CDH4: variants seen among roughly 807,000 people sequenced by gnomAD.
The protein encoded by CDH4 is cadherin-4.
In CDH4, 33 loss-of-function variants were observed where a neutral mutation model predicts 86.0. The ratio of observed to expected loss-of-function variants is 0.38; its 90% CI spans 0.29 to 0.51. The LOEUF is 0.51. CDH4 is among the 20% of genes least tolerant of loss of function. The pLI, the probability that CDH4 is intolerant of heterozygous loss-of-function variation, is 0.86. For synonymous variants in CDH4, 555 were observed against 549.4 expected (o/e 1.01, Z -0.14); for missense variants, 1,114 against 1,307.4 (o/e 0.85, Z 2.28).
intron 2 of CDH4, among the ~76,000 whole-genome samples, chr20:61,276,590 A>G (rs1487230425): frequency 6.6e-6 from 1 of 152,190 alleles, no homozygotes; most frequent in African/African-American, 2.4e-5. Context: ...TGGCATCCCT[A>G]TGCCATTCTT....
chr20:61,265,454 T>C (rs1478731253), intron 2 of CDH4, among the ~76,000 whole-genome samples: 1 of 149,414 alleles, frequency 6.7e-6, no homozygotes, highest in Non-Finnish European at 1.5e-5. Flanking sequence ...ACTTCAGTGG[T>C]TCCTTCATTC....
chr20:61,472,347 C>T (rs1017745987), intron 2 of CDH4, among the ~76,000 whole-genome samples: 8 of 152,314 alleles, frequency 5.3e-5, no homozygotes, highest in Admixed American at 3.9e-4. Context: ...TTTCCATTGA[C>T]ATGGAATATC....
intron 2 of CDH4, among the ~76,000 whole-genome samples, chr20:61,384,200 C>A (rs2084938669): frequency 6.6e-6 from 1 of 152,126 alleles, no homozygotes; most frequent in South Asian, 2.1e-4. Context: ...TTTGGTAACA[C>A]CCTCACAGAC....
intron 4 of CDH4, among the ~76,000 whole-genome samples, chr20:61,797,023 T>C (rs6061826): frequency 0.76 from 114,672 of 151,798 alleles, 43,738 homozygotes; most frequent in African/African-American, 0.87. Context: ...GCCAGCCACT[T>C]TCCTGGGTGG....
chr20:61,489,092 A>G (rs1367257645), intron 2 of CDH4, among the ~76,000 whole-genome samples: 1 of 152,194 alleles, frequency 6.6e-6, no homozygotes, highest in Admixed American at 6.5e-5. Flanking sequence ...GCTCCTGGGT[A>G]TTAAGTCTGG....
intron 2 of CDH4, among the ~76,000 whole-genome samples, chr20:61,586,526 G>A (rs1361248713): frequency 1.3e-5 from 2 of 152,214 alleles, no homozygotes; most frequent in East Asian, 3.9e-4. Context: ...CTGGACGTGA[G>A]GTAACTCAAA....
chr20:61,903,540 TAAAAAAAAAAA>T (rs60370683), intron 8 of CDH4, among the ~76,000 whole-genome samples: 4 of 90,886 alleles, frequency 4.4e-5, no homozygotes, highest in African/African-American at 1.4e-4. Context: ...AGAGACTCCA[TAAAAAAAAAAA>T]AAAAAAAAGT....
chr20:61,352,758 C>CG (rs1568809796), intron 2 of CDH4, among the ~76,000 whole-genome samples: 1 of 152,098 alleles, frequency 6.6e-6, no homozygotes, highest in Non-Finnish European at 1.5e-5. Context: ...TCACTCCCCC[C>CG]GGTCACCTGC....
chr20:61,485,935 T>A (rs2145583618), intron 2 of CDH4, among the ~76,000 whole-genome samples: 1 of 152,298 alleles, frequency 6.6e-6, no homozygotes, highest in African/African-American at 2.4e-5. Context: ...ACCCACTAAT[T>A]ACACCACCCC....
intron 2 of CDH4, among the ~76,000 whole-genome samples, chr20:61,496,376 T>G (rs2085662784): frequency 6.6e-6 from 1 of 151,392 alleles, no homozygotes; most frequent in South Asian, 2.1e-4. Context: ...CACTCCAGCC[T>G]GGGCAACAGA....
At chr20:61,917,640 C>T (rs1293278627) in intron 9 of CDH4, among the ~76,000 whole-genome samples, 1 of 152,282 alleles carries the variant, frequency 6.6e-6, no homozygotes, top group Admixed American at 6.5e-5. Context: ...TGTGTCCCCA[C>T]CTGGTCCTGC....
intron 4 of CDH4, among the ~76,000 whole-genome samples, chr20:61,789,200 C>G (rs370267859): frequency 2.0e-5 from 3 of 152,168 alleles, no homozygotes; most frequent in African/African-American, 7.2e-5. Flanking sequence ...AGATGGCCTA[C>G]GGATGCATCT....
At chr20:61,634,434 C>T (rs960572351) in intron 2 of CDH4, among the ~76,000 whole-genome samples, 6 of 152,324 alleles carry the variant, frequency 3.9e-5, no homozygotes, top group South Asian at 2.1e-4. Flanking sequence ...CACCCCACAC[C>T]GGTGACCCTG....
intron 2 of CDH4, among the ~76,000 whole-genome samples, chr20:61,349,628 G>A (rs528289152): frequency 7.2e-5 from 11 of 152,260 alleles, no homozygotes; most frequent in South Asian, 2.1e-4. Context: ...AGGCCTCATC[G>A]GGAGGTCTGT....
intron 2 of CDH4, among the ~76,000 whole-genome samples, chr20:61,477,009 C>G (rs1207148918): frequency 1.3e-5 from 2 of 152,226 alleles, no homozygotes; most frequent in South Asian, 4.1e-4. Flanking sequence ...CAAAGGCAGA[C>G]AGGGGCTTCT....
chr20:61,605,705 C>T (rs562274478), intron 2 of CDH4, among the ~76,000 whole-genome samples: 1 of 152,216 alleles, frequency 6.6e-6, no homozygotes, highest in South Asian at 2.1e-4. Flanking sequence ...GCCTCTCCAA[C>T]CCTGCTTTTC....
Position 61,501,497 on chromosome 20 carries a change from C to A in CDH4, c.170-242066C>A, listed in dbSNP as rs1396656173. On this transcript the variant is annotated intron_variant, in intron 2 of 15. Coordinates refer to ENST00000614565, the MANE Select transcript of CDH4 (RefSeq NM_001794.5). The surrounding 1 kb of genome is among the most constrained non-coding windows in gnomAD (Gnocchi z 4.2). ...GGTGAGCGATGTAGCTGGAACGAGG[C>A]CTGGCTGAGATTCAGGAGACGGCTG... 6.6e-6 allele frequency among the ~76,000 whole-genome samples: 1 copy of A among 152,142 alleles called. No individual in the cohort carries two copies. Among genetic ancestry groups the A allele is most frequent in the East Asian group, 1.9e-4 (1 of 5,184 alleles).
At chr20:61,907,451 ACTCT>A (rs2054802203) in intron 8 of CDH4, among the ~76,000 whole-genome samples, 1 of 151,716 alleles carries the variant, frequency 6.6e-6, no homozygotes, top group African/African-American at 2.4e-5. Context: ...CCTGTACCTC[ACTCT>A]CAGGCATGTT....
At chr20:61,916,550 C>T (rs1015336817) in intron 9 of CDH4, among the ~76,000 whole-genome samples, 5 of 152,242 alleles carry the variant, frequency 3.3e-5, no homozygotes, top group African/African-American at 1.2e-4. Context: ...TCATCCTCAT[C>T]GTCTTCATTG....
Sources: allele counts gnomAD v4.1 joint callset (sites outside exome capture counted in the v4.1 genomes callset), GRCh38; gene constraint gnomAD v4.1.1; non-coding constraint Gnocchi (gnomAD v3.1); transcripts MANE v1.5; gene names NCBI Gene and HGNC (gene_info 2026-07-23, HGNC 2026-07-21).